The following TENM4 variants were observed in gnomAD, a reference collection of about 807,000 sequenced individuals.
TENM4 encodes the protein teneurin transmembrane protein 4.
TENM4 carries 82 observed loss-of-function variants against 243.3 expected under a neutral mutation model. The ratio of observed to expected loss-of-function variants is 0.34; its 90% confidence interval spans 0.28 to 0.40. TENM4 has a LOEUF of 0.40. Ranked by LOEUF, TENM4 falls within the 10% of genes least tolerant of loss-of-function variation. TENM4 has a pLI of 1.00. For missense variants in TENM4, 3,138 were observed against 3,673.3 expected (o/e 0.85, Z 3.77); for synonymous variants, 1,412 against 1,456.3 (o/e 0.97, Z 0.69).
chr11:78,835,891 T>C (rs1858098075), intron 12 of TENM4, among the ~76,000 whole-genome samples: 1 of 152,208 alleles, frequency 6.6e-6, no homozygotes, highest in African/African-American at 2.4e-5. Context: ...CCTGTCTGCT[T>C]GTTCACAACA....
At chr11:78,775,097 T>C (rs568326572) in intron 17 of TENM4, among the ~76,000 whole-genome samples, 2 of 152,328 alleles carry the variant, frequency 1.3e-5, no homozygotes, top group Non-Finnish European at 2.9e-5. Context: ...AAAGTCACAC[T>C]GAATATCAAT....
At chr11:79,025,495 A>G (rs1334143970) in intron 6 of TENM4, among the ~76,000 whole-genome samples, 4 of 152,212 alleles carry the variant, frequency 2.6e-5, no homozygotes, top group Non-Finnish European at 4.4e-5. Context: ...GGCCATGGAG[A>G]CAGCATAAGT....
rs554761710 is a variant in TENM4 at position 78,661,731 on chromosome 11, T to C, written c.7409-140A>G. ...GCTGGTGGGAGAGTCAACTGCTACA[T>C]ACACTTTTCATTCTATGAAAGCCAA... On this transcript the variant is annotated intron_variant, in intron 32 of 33. Transcript: ENST00000278550. 12 of 1,104,646 alleles carry C rather than the reference T, an allele frequency of 1.1e-5. No homozygotes were observed. In the African/African-American group the frequency reaches 1.7e-4, roughly 16 times the overall value. 68.4% of individuals were successfully genotyped at this position (1,104,646 alleles called of 1,614,324 possible).
intron 2 of TENM4, among the ~76,000 whole-genome samples, chr11:79,260,421 G>C (rs1361486290): frequency 2.0e-5 from 3 of 152,108 alleles, no homozygotes; most frequent in Non-Finnish European, 2.9e-5. Context: ...TGTATACTTG[G>C]CATATATTAT....
intron 3 of TENM4, among the ~76,000 whole-genome samples, chr11:79,190,131 C>T (rs544532647): frequency 1.3e-5 from 2 of 152,358 alleles, no homozygotes; most frequent in East Asian, 3.9e-4. Context: ...ATCCCCATTA[C>T]AGGGTACTCC....
intron 19 of TENM4, among the ~76,000 whole-genome samples, chr11:78,751,832 A>G (rs75777976): frequency 0.018 from 2,712 of 151,812 alleles, 46 homozygotes; most frequent in Middle Eastern, 0.027. Flanking sequence ...TGTGTCCTGG[A>G]CTCTTTGTAT....
chr11:79,400,290 C>T (rs1858434780), intron 1 of TENM4, among the ~76,000 whole-genome samples: 1 of 152,004 alleles, frequency 6.6e-6, no homozygotes, highest in Admixed American at 6.6e-5. Flanking sequence ...CTTTCTGCTC[C>T]ATGGTCCGCT....
rs1330245044 is a variant in TENM4, at chr11:78,805,456, A to G, written c.2015T>C (p.Val672Ala). The G allele has an allele frequency of 1.3e-6, 2 of 1,593,340 alleles. No individual in the cohort carries two copies. The highest frequency in any genetic ancestry group is 1.7e-6 in the Non-Finnish European group (2 of 1,169,710). ...GCAGTGGCATTCGCCTCTCACGCAG[A>G]CACCCCGGCCTGAACATGTGGGGTC... ...CMDPTCSGRG[V>A]CVRGECHCSV... The change falls in exon 15 of 34, where the codon GTC (valine) becomes GCC (alanine). Residue 672 changes from valine (V) to alanine (A), a missense_variant. Coordinates refer to ENST00000278550, the MANE Select transcript of TENM4 (RefSeq NM_001098816.3).
In TENM4 at chr11:79,151,121, C is replaced by T. The variant is rs114730801; in HGVS notation, c.-162-2315G>A. Among the ~76,000 whole-genome samples, 741 of 152,266 alleles carry T rather than the reference C, an allele frequency of 4.9e-3. 2 individuals carry two copies. The highest frequency in any genetic ancestry group is 0.017 in the African/African-American group (716 of 41,562). On this transcript the variant is annotated intron_variant, in intron 3 of 33. Transcript: ENST00000278550. ...ATGGCTTCTGTGACTCACCATTCTT[C>T]CACGATGTCATGGATTTCATGCTCT... is the stretch of plus-strand genomic sequence containing the variant.
intron 6 of TENM4, among the ~76,000 whole-genome samples, chr11:79,009,333 C>T (rs1372236608): frequency 1.3e-5 from 2 of 152,088 alleles, no homozygotes; most frequent in African/African-American, 4.8e-5. Flanking sequence ...ACAGACTGGG[C>T]CCAAATTCAG....
chr11:79,326,034 T>C (rs1856970022), intron 1 of TENM4, among the ~76,000 whole-genome samples: 1 of 152,228 alleles, frequency 6.6e-6, no homozygotes, highest in Non-Finnish European at 1.5e-5. Flanking sequence ...TGCATGCCTA[T>C]TATTAACCAC....
At chr11:78,755,227 C>T (rs887404202) in intron 19 of TENM4, among the ~76,000 whole-genome samples, 9 of 152,066 alleles carry the variant, frequency 5.9e-5, no homozygotes, top group East Asian at 3.9e-4. Flanking sequence ...TGCAGTGGGA[C>T]GGTCTTGGCT....
intron 1 of TENM4, among the ~76,000 whole-genome samples, chr11:79,300,661 T>C (rs1001832116): frequency 6.6e-6 from 1 of 152,242 alleles, no homozygotes; most frequent in Non-Finnish European, 1.5e-5. Context: ...AAATGGTACC[T>C]AATTATTTTA....
At chr11:79,282,910 G>A (rs1418052998) in intron 2 of TENM4, among the ~76,000 whole-genome samples, 2 of 152,162 alleles carry the variant, frequency 1.3e-5, no homozygotes, top group Admixed American at 1.3e-4. Context: ...ATAATGGCCA[G>A]AGACTCACTG....
chr11:78,923,516 A>G (rs1350915449), intron 6 of TENM4, among the ~76,000 whole-genome samples: 1 of 151,888 alleles, frequency 6.6e-6, no homozygotes, highest in Non-Finnish European at 1.5e-5. Context: ...AAGTTTCTGG[A>G]AAAAATTGTT....
rs1211154893 is a variant in TENM4, at chr11:78,709,701, C to T, written c.4055-1186G>A. Among the ~76,000 whole-genome samples the T allele has an allele frequency of 2.0e-5, 3 of 152,182 alleles. No homozygotes were observed. In the East Asian group the frequency reaches 5.8e-4, roughly 29 times the overall value. ...ACAAGCACCTTGGGTGATAATGACACAAACCAGAGTCTGAGAACCACTCCA... is the reference window on the plus strand; with the variant it reads ...ACAAGCACCTTGGGTGATAATGACATAAACCAGAGTCTGAGAACCACTCCA... On this transcript the variant is annotated intron_variant, in intron 26 of 33. Transcript: ENST00000278550.
At chr11:79,403,095 C>T (rs1432519956) in intron 1 of TENM4, among the ~76,000 whole-genome samples, 1 of 152,214 alleles carries the variant, frequency 6.6e-6, no homozygotes, top group Non-Finnish European at 1.5e-5. Context: ...TTCACGAAGG[C>T]AGTTTTGAGT....
intron 6 of TENM4, among the ~76,000 whole-genome samples, chr11:78,984,490 A>T (rs930362687): frequency 6.6e-6 from 1 of 152,066 alleles, no homozygotes; most frequent in East Asian, 1.9e-4. Flanking sequence ...TAACTCTCCA[A>T]CCTCTTACTG....
intron 1 of TENM4, among the ~76,000 whole-genome samples, chr11:79,400,356 G>A (rs888612521): frequency 2.6e-5 from 4 of 151,180 alleles, no homozygotes; most frequent in African/African-American, 7.3e-5. Flanking sequence ...GACCTTCCCA[G>A]ACAATGCACA....
Sources: allele counts gnomAD v4.1 joint callset (sites outside exome capture counted in the v4.1 genomes callset), GRCh38; gene constraint gnomAD v4.1.1; transcripts MANE v1.5; gene names NCBI Gene and HGNC (gene_info 2026-07-23, HGNC 2026-07-21).